TIAM2: variants seen among roughly 807,000 people sequenced by gnomAD.
TIAM2 encodes rho guanine nucleotide exchange factor TIAM2.
Under a neutral mutation model 152.9 loss-of-function variants are expected in TIAM2, and 80 were observed. That is an observed-to-expected ratio of 0.52 (90% CI 0.44 to 0.63). The LOEUF is 0.63. Ranked by LOEUF, TIAM2 falls within the 30% of genes least tolerant of loss-of-function variation. TIAM2 has a pLI of 0.00. For missense variants in TIAM2, 1,965 were observed against 2,120.1 expected (o/e 0.93, Z 1.44); for synonymous variants, 804 against 838.0 (o/e 0.96, Z 0.70).
intron 2 of TIAM2, among the ~76,000 whole-genome samples, chr6:155,092,543 T>G (rs1388036995): frequency 4.6e-5 from 7 of 152,158 alleles, no homozygotes; most frequent in Non-Finnish European, 1.0e-4. Context: ...ATACTCAGAT[T>G]TTTATATATT....
At chr6:155,225,427 A>C (rs2115252351) in intron 15 of TIAM2, among the ~76,000 whole-genome samples, 1 of 152,298 alleles carries the variant, frequency 6.6e-6, no homozygotes, top group East Asian at 1.9e-4. Context: ...AGATGGGGAA[A>C]GGTGGACCAT....
chr6:155,227,123 T>C (rs1057107190), intron 15 of TIAM2, among the ~76,000 whole-genome samples: 31 of 152,244 alleles, frequency 2.0e-4, no homozygotes, highest in African/African-American at 7.5e-4. Context: ...AAAAGATACT[T>C]GGACCAGAAT....
intron 4 of TIAM2, among the ~76,000 whole-genome samples, chr6:155,136,469 T>C (rs1779558854): frequency 6.6e-6 from 1 of 151,934 alleles, no homozygotes; most frequent in Non-Finnish European, 1.5e-5. Flanking sequence ...GAGACGGGTT[T>C]CACCATGTTG....
At chr6:155,169,974 A>G (rs540252717) in intron 9 of TIAM2, among the ~76,000 whole-genome samples, 1 of 151,600 alleles carries the variant, frequency 6.6e-6, no homozygotes, top group Non-Finnish European at 1.5e-5. Flanking sequence ...ACCTGCCACC[A>G]AGGCTGGCTA....
chr6:155,210,935 G>A (rs1781703573), intron 14 of TIAM2, among the ~76,000 whole-genome samples: 1 of 152,178 alleles, frequency 6.6e-6, no homozygotes, highest in Non-Finnish European at 1.5e-5. Flanking sequence ...ACAACAACGA[G>A]AAGAGTGACA....
At chr6:155,194,036 C>T (rs1042636834) in intron 14 of TIAM2, among the ~76,000 whole-genome samples, 12 of 152,156 alleles carry the variant, frequency 7.9e-5, no homozygotes, top group East Asian at 1.9e-4. Flanking sequence ...AGGGCTGTTC[C>T]GATACATATG....
rs575872911 is a variant in TIAM2, at chr6:155,073,723, G to A, written c.-208-16566G>A. On this transcript the variant is annotated intron_variant, in intron 1 of 26. Transcript: ENST00000682666. The stretch of plus-strand genomic sequence containing the variant: ...TCTCTGCTTAACAGCGAGCTACCCC[G>A]CTTGCTTATAATTAAAAGTCTATTA... Among the ~76,000 whole-genome samples the A allele has an allele frequency of 2.6e-5, 4 of 152,160 alleles. No homozygotes were observed. In the South Asian group the frequency reaches 8.3e-4, roughly 32 times the overall value.
chr6:155,013,150 GCACATAGATGCTTA>G (rs1237403298), intron 1 of TIAM2, among the ~76,000 whole-genome samples: 5 of 152,050 alleles, frequency 3.3e-5, no homozygotes, highest in Non-Finnish European at 7.3e-5. Context: ...GGCTTTCTCT[GCACATAGATGCTTA>G]CCAGTCCCCA....
At chr6:155,165,454 G>A in intron 9 of TIAM2, 45 bp downstream of exon 9, 2 of 1,573,162 alleles carry the variant, frequency 1.3e-6, no homozygotes, top group Non-Finnish European at 1.7e-6. Flanking sequence ...TGAAATTCCT[G>A]AAACCCCTAA....
intron 1 of TIAM2, among the ~76,000 whole-genome samples, chr6:155,006,453 G>A (rs1345825356): frequency 6.6e-6 from 1 of 151,646 alleles, no homozygotes; most frequent in African/African-American, 2.4e-5. Flanking sequence ...TGGATCACAA[G>A]GTCAGGAGTT....
intron 16 of TIAM2, among the ~76,000 whole-genome samples, chr6:155,241,395 C>T (rs113087534): frequency 0.012 from 1,871 of 152,254 alleles, 34 homozygotes; most frequent in Non-Finnish European, 0.015. Flanking sequence ...TGAAGCAGCG[C>T]GGCACGGTGC....
At position 155,214,048 on chromosome 6, in the gene TIAM2, G is replaced by C. The variant is rs113913347; in HGVS notation, c.3168+2741G>C. Among the ~76,000 whole-genome samples, 1,707 of 152,324 alleles carry C rather than the reference G, an allele frequency of 0.011. 40 individuals are homozygous for C. The highest frequency in any genetic ancestry group is 0.039 in the African/African-American group (1,629 of 41,564). On this transcript the variant is annotated intron_variant, in intron 15 of 26. Coordinates refer to ENST00000682666, the MANE Select transcript of TIAM2 (RefSeq NM_012454.4). The surrounding 1 kb of genome is among the most constrained non-coding windows in gnomAD (Gnocchi z 5.4). The stretch of plus-strand genomic sequence containing the variant: ...GCTGCAGCAGTACCCGGGAGGGCGG[G>C]GCTCCTTCCTGCTCCTGGCCCCCAA...
chr6:155,056,896 A>C (rs1289607971), intron 1 of TIAM2, among the ~76,000 whole-genome samples: 1 of 151,166 alleles, frequency 6.6e-6, no homozygotes, highest in Non-Finnish European at 1.5e-5. Flanking sequence ...TATAGTCATC[A>C]TATCTCCTTT....
At chr6:155,034,153 T>C (rs1776878220) in intron 1 of TIAM2, among the ~76,000 whole-genome samples, 1 of 152,218 alleles carries the variant, frequency 6.6e-6, no homozygotes, top group Admixed American at 6.5e-5. Flanking sequence ...TGGATAATTT[T>C]TGCTTTGCCC....
At position 154,997,043 on chromosome 6, in the gene TIAM2, C is replaced by T. The variant is rs149428184; in HGVS notation, c.-209+1551C>T. Among the ~76,000 whole-genome samples the T allele has an allele frequency of 2.7e-4, 41 of 152,310 alleles. 1 individual carries two copies. The East Asian group carries it at 7.3e-3, about 27-fold the overall frequency. ...CATAATGTGGCACCTGCCTGCCTTT[C>T]CAGTTCCATCTACTGACTTTCCCCA... is the stretch of plus-strand genomic sequence containing the variant. On this transcript the variant is annotated intron_variant, in intron 1 of 26. Coordinates refer to ENST00000682666, the MANE Select transcript of TIAM2 (RefSeq NM_012454.4).
At chr6:155,160,740 T>C (rs1780247484) in intron 7 of TIAM2, among the ~76,000 whole-genome samples, 1 of 151,492 alleles carries the variant, frequency 6.6e-6, no homozygotes, top group African/African-American at 2.4e-5. Flanking sequence ...CCAGCTGGGG[T>C]ATCAGAGTGA....
Position 155,168,794 on chromosome 6 carries a change from A to G in TIAM2, c.2361+3385A>G, listed in dbSNP as rs1780504504. 3.5e-6 allele frequency: 5 copies of G among 1,432,124 alleles called. No homozygotes were observed. In the African/African-American group the frequency reaches 4.3e-5, roughly 12 times the overall value. 88.7% of individuals were successfully genotyped at this position (1,432,124 alleles called of 1,614,324 possible). ...AATAATGAAAAAGGGTAGCTGGCAG[A>G]TGAATATTACAGGGCCATTTCATTA... is the stretch of plus-strand genomic sequence containing the variant. On this transcript the variant is annotated intron_variant, in intron 9 of 26. Coordinates refer to ENST00000682666, the MANE Select transcript of TIAM2 (RefSeq NM_012454.4).
intron 1 of TIAM2, among the ~76,000 whole-genome samples, chr6:155,073,993 A>C (rs571341176): frequency 3.9e-5 from 6 of 152,192 alleles, no homozygotes; most frequent in Admixed American, 2.6e-4. Context: ...GCCCCAGAGC[A>C]ACTTGTTGGG....
rs192433198 is a variant in TIAM2 at position 155,219,664 on chromosome 6, G to A, written c.3168+8357G>A. On this transcript the variant is annotated intron_variant, in intron 15 of 26. Transcript: ENST00000682666. ...ATTTTCCGTGCTCCAGAGTATTTGT[G>A]CCCTGCTCTTCTTGGTCTATCCTTG... Among the ~76,000 whole-genome samples, 5 of 152,118 alleles carry A rather than the reference G, an allele frequency of 3.3e-5. No homozygotes were observed. In the East Asian group the frequency reaches 9.6e-4, roughly 29 times the overall value.
Sources: gnomAD v4.1 joint callset for allele counts (sites outside exome capture counted in the v4.1 genomes callset) on GRCh38, gnomAD v4.1.1 for gene constraint, Gnocchi (gnomAD v3.1) non-coding constraint, MANE v1.5 for transcripts, NCBI Gene and HGNC (gene_info 2026-07-23, HGNC 2026-07-21) for gene names.